Variants in RPS6KA1 observed in about 807,000 individuals in gnomAD.
RPS6KA1 encodes ribosomal protein S6 kinase A1, also known as ribosomal protein S6 kinase alpha-1.
Under a neutral mutation model 91.3 loss-of-function variants are expected in RPS6KA1, and 48 were observed. The observed-to-expected ratio is 0.53, with a 90% CI of 0.42 to 0.67. RPS6KA1 has a LOEUF of 0.67. Ranked by LOEUF, RPS6KA1 falls within the 30% of genes least tolerant of loss-of-function variation. The pLI, the probability that RPS6KA1 is intolerant of heterozygous loss-of-function variation, is 0.00. For synonymous variants in RPS6KA1, 359 were observed against 384.7 expected (o/e 0.93, Z 0.78); for missense variants, 719 against 960.5 (o/e 0.75, Z 3.32).
rs1379312246 is a variant in RPS6KA1 at position 26,574,988 on chromosome 1, A to T, written c.*787A>T. 1 of 165,314 alleles carries T rather than the reference A, an allele frequency of 6.0e-6. No homozygotes were observed. Among genetic ancestry groups the T allele is most frequent in the Non-Finnish European group, 1.3e-5 (1 of 75,544 alleles). 10.2% of individuals were successfully genotyped at this position (165,314 alleles called of 1,614,324 possible). ...TTCCTCAGCTGGTTACTCAGGGTTC[A>T]TCTGTCCATGGCCTTTCTAATAAAC... On this transcript the variant is annotated 3_prime_UTR_variant, in exon 22 of 22. Coordinates refer to ENST00000374168, the MANE Select transcript of RPS6KA1 (RefSeq NM_002953.4). This position sits in a 1 kb window ranked among gnomAD's most constrained non-coding sequence, Gnocchi z 4.3.
Position 26,529,892 on chromosome 1 carries a change from A to C in RPS6KA1, c.-29A>C. On this transcript the variant is annotated 5_prime_UTR_variant, in exon 1 of 22. Transcript: ENST00000374168. This position sits in a 1 kb window ranked among gnomAD's most constrained non-coding sequence, Gnocchi z 4.2. ...GAGGCGGCGCAGCCGGGGCCGCCGG[A>C]GGAGCGCGGGTGACCTGGCGGCGGC... The C allele has an allele frequency of 7.1e-7, 1 of 1,409,142 alleles. No individual in the cohort carries two copies. The highest frequency in any genetic ancestry group is 9.3e-7 in the Non-Finnish European group (1 of 1,079,194). 87.3% of individuals were successfully genotyped at this position (1,409,142 alleles called of 1,614,324 possible).
rs2076247559 is a variant in RPS6KA1, at chr1:26,571,407, A to G, written c.1591-42A>G. On this transcript the variant is annotated intron_variant, in intron 17 of 21. Transcript: ENST00000374168. The surrounding 1 kb of genome is among the most constrained non-coding windows in gnomAD (Gnocchi z 5.1). ...TGGCCGCTGACCTGGGCCACTAGCC[A>G]CCTCCCCACACTGAGAACTGACCCC... is the stretch of plus-strand genomic sequence containing the variant. The G allele has an allele frequency of 3.1e-6, 5 of 1,603,388 alleles. No individual in the cohort carries two copies. In the South Asian group the frequency reaches 4.4e-5, roughly 14 times the overall value.
intron 1 of RPS6KA1, among the ~76,000 whole-genome samples, chr1:26,531,998 G>A (rs1025455396): frequency 5.3e-5 from 8 of 152,168 alleles, no homozygotes; most frequent in African/African-American, 7.2e-5. Context: ...TGACCTGCAC[G>A]TACAGGCACC....
chr1:26,573,950 A>G, intron 21 of RPS6KA1, 129 bp from the exon 22 acceptor site: 1 of 1,074,726 alleles, frequency 9.3e-7, no homozygotes, highest in Non-Finnish European at 1.3e-6. Context: ...AAAAAAAAAA[A>G]CAACAAAAAC....
chr1:26,537,005 G>C, intron 2 of RPS6KA1, 36 bp downstream of exon 2: 8 of 1,611,826 alleles, frequency 5.0e-6, no homozygotes, highest in Non-Finnish European at 6.8e-6. Flanking sequence ...GCGAGGGGCT[G>C]TGGGGGATCC....
intron 2 of RPS6KA1, chr1:26,542,995 T>A (rs1408289816): frequency 4.5e-6 from 3 of 673,528 alleles, no homozygotes; most frequent in African/African-American, 3.7e-5. Flanking sequence ...GTCTGCAGTG[T>A]CCCCTCCTCT....
chr1:26,559,518 C>T (rs2076135563), intron 14 of RPS6KA1, among the ~76,000 whole-genome samples: 1 of 151,820 alleles, frequency 6.6e-6, no homozygotes, highest in African/African-American at 2.4e-5. Flanking sequence ...AGATATACAC[C>T]ACCACACCCA....
intron 4 of RPS6KA1, among the ~76,000 whole-genome samples, chr1:26,549,042 G>A (rs746580597): frequency 2.7e-5 from 4 of 150,718 alleles, no homozygotes; most frequent in Non-Finnish European, 5.9e-5. Flanking sequence ...GGAGTACATT[G>A]GCCAGATCTC....
intron 20 of RPS6KA1, among the ~76,000 whole-genome samples, chr1:26,572,576 T>G (rs371984426): frequency 9.2e-5 from 14 of 152,082 alleles, no homozygotes; most frequent in African/African-American, 3.4e-4. Context: ...CGTAGTGTAG[T>G]GAGGGATACA....
In RPS6KA1 at chr1:26,574,138, G is replaced by C. The variant is rs748389071; in HGVS notation, c.2145G>C (p.Lys715Asn). The C allele has an allele frequency of 6.2e-7, 1 of 1,614,090 alleles. No homozygotes were observed. The highest frequency in any genetic ancestry group is 8.5e-7 in the Non-Finnish European group (1 of 1,180,024). Residue 715 changes from lysine (K) to asparagine (N), a missense_variant, in exon 22 of 22, where the codon AAG becomes AAC. Lys to Asn is a moderately conservative substitution (Grantham distance 94). Around this residue, in one of 5 missense-constraint regions of RPS6KA1, gnomAD observed 249 missense variants for 323.1 expected, o/e 0.77. Coordinates refer to ENST00000374168, the MANE Select transcript of RPS6KA1 (RefSeq NM_002953.4). The surrounding 1 kb of genome is among the most constrained non-coding windows in gnomAD (Gnocchi z 4.3). ...GCTCCAAGCCCACCCCCCAGCTGAA[G>C]CCCATCGAGTCATCCATCCTGGCCC... The part of the protein sequence containing the change: ...LNSSKPTPQL[K>N]PIESSILAQR...
chr1:26,565,904 G>A (rs1472358263), intron 17 of RPS6KA1, among the ~76,000 whole-genome samples: 2 of 152,124 alleles, frequency 1.3e-5, no homozygotes, highest in Non-Finnish European at 2.9e-5. Context: ...GCCATTCAAT[G>A]TTGTCTTTGA....
intron 1 of RPS6KA1, among the ~76,000 whole-genome samples, chr1:26,535,664 G>A (rs144245705): frequency 1.2e-3 from 189 of 152,236 alleles, no homozygotes; most frequent in African/African-American, 3.5e-3. Flanking sequence ...CTGACCAGAG[G>A]GGGGCTCTGG....
Position 26,555,155 on chromosome 1 carries a change from A to T in RPS6KA1, c.761A>T (p.Glu254Val). 6.2e-7 allele frequency: 1 copy of T among 1,614,094 alleles called. No homozygotes were observed. The highest frequency in any genetic ancestry group is 2.2e-5 in the East Asian group (1 of 44,872). ...DWWSYGVLMF[E>V]MLTGSLPFQG... is the part of the protein sequence containing the mutation. ...ATAGATCCTTGTCCTCTGCAGTTTG[A>T]GATGCTGACGGGCTCCCTGCCCTTC... The change falls in exon 10 of 22, where the codon GAG (glutamate) becomes GTG (valine). Residue 254 changes from glutamate (E) to valine (V), a missense_variant. By Grantham distance (121) the Glu-to-Val change is moderately radical (BLOSUM62 -2). Around this residue, in one of 5 missense-constraint regions of RPS6KA1, gnomAD observed 228 missense variants for 247.6 expected, o/e 0.92. Coordinates refer to ENST00000374168, the MANE Select transcript of RPS6KA1 (RefSeq NM_002953.4). The surrounding 1 kb of genome is among the most constrained non-coding windows in gnomAD (Gnocchi z 4.3).
Position 26,547,106 on chromosome 1 carries a change from G to T in RPS6KA1, c.226-83G>T. 1 of 1,561,458 alleles carries T rather than the reference G, an allele frequency of 6.4e-7. No homozygotes were observed. The highest frequency in any genetic ancestry group is 2.2e-5 in the East Asian group (1 of 44,550). On this transcript the variant is annotated intron_variant, in intron 3 of 21. Coordinates refer to ENST00000374168, the MANE Select transcript of RPS6KA1 (RefSeq NM_002953.4). The surrounding 1 kb of genome is among the most constrained non-coding windows in gnomAD (Gnocchi z 4.1). ...GTACCCAGGGAGAGCAAAAAGGTCA[G>T]CTTGGGGCTCAGAGAAGATAGAGGT...
chr1:26,548,294 C>A (rs1319305793), intron 4 of RPS6KA1, among the ~76,000 whole-genome samples: 2 of 151,932 alleles, frequency 1.3e-5, no homozygotes, highest in East Asian at 3.9e-4. Context: ...GCAGCCGGTG[C>A]TGTGACTGGT....
chr1:26,573,453 T>C (rs934189911), intron 21 of RPS6KA1, 92 bp downstream of exon 21: 1 of 1,434,960 alleles, frequency 7.0e-7, no homozygotes, highest in Admixed American at 1.8e-5. Context: ...ATGCCATGTC[T>C]GTACCAAGCA....
At position 26,561,413 on chromosome 1, in the gene RPS6KA1, TC is replaced by T; in HGVS notation, c.1432-91del. 1 of 1,527,160 alleles carries T rather than the reference TC, an allele frequency of 6.5e-7. No homozygotes were observed. The highest frequency in any genetic ancestry group is 1.4e-5 in the African/African-American group (1 of 73,302). 94.6% of individuals were successfully genotyped at this position (1,527,160 alleles called of 1,614,324 possible). On this transcript the variant is annotated intron_variant, in intron 16 of 21. Coordinates refer to ENST00000374168, the MANE Select transcript of RPS6KA1 (RefSeq NM_002953.4). This position sits in a 1 kb window ranked among gnomAD's most constrained non-coding sequence, Gnocchi z 5.7. ...AGCAAGCAGAACACCTGCCCAAGGC[TC>T]ATGTCATTCTTCCCTGCTCTGGGGC...
At position 26,540,913 on chromosome 1, in the gene RPS6KA1, C is replaced by T. The variant is rs1238166030; in HGVS notation, c.108+3944C>T. On this transcript the variant is annotated intron_variant, in intron 2 of 21. Transcript: ENST00000374168. The surrounding 1 kb of genome is among the most constrained non-coding windows in gnomAD (Gnocchi z 4.2). ...TCAAGCGATTCTCCTGCCTCAGCCTCCGTAGTAGCTGGGATTGCAGGCATA... is the reference window on the plus strand; with the variant it reads ...TCAAGCGATTCTCCTGCCTCAGCCTTCGTAGTAGCTGGGATTGCAGGCATA... 1.3e-5 allele frequency among the ~76,000 whole-genome samples: 2 copies of T among 152,214 alleles called. No homozygotes were observed. The highest frequency in any genetic ancestry group is 2.9e-5 in the Non-Finnish European group (2 of 68,048).
In RPS6KA1 at chr1:26,573,315, A is replaced by AGCTTCCC; in HGVS notation, c.2040_2046dup (p.Gln683AlafsTer68). On this transcript the variant is annotated frameshift_variant, in exon 21 of 22. Coordinates refer to ENST00000374168, the MANE Select transcript of RPS6KA1 (RefSeq NM_002953.4). LOFTEE classifies it high-confidence loss of function. The stretch of plus-strand genomic sequence containing the variant: ...CATCCATGGGTCACCCAGAAAGACA[A>AGCTTCCC]GCTTCCCCAAAGCCAGCTGTCCCAC... The AGCTTCCC allele has an allele frequency of 6.2e-7, 1 of 1,614,196 alleles. No individual in the cohort carries two copies. The highest frequency in any genetic ancestry group is 8.5e-7 in the Non-Finnish European group (1 of 1,180,016).
Sources: allele counts gnomAD v4.1 joint callset (sites outside exome capture counted in the v4.1 genomes callset), GRCh38; gene constraint gnomAD v4.1.1; regional missense constraint gnomAD v4.1.1; non-coding constraint Gnocchi (gnomAD v3.1); transcripts MANE v1.5; gene names NCBI Gene and HGNC (gene_info 2026-07-23, HGNC 2026-07-21).